PCDHGA6: variants seen among roughly 807,000 people sequenced by gnomAD.
PCDHGA6 encodes protocadherin gamma-A6.
PCDHGA6 carries 41 observed loss-of-function variants against 60.6 expected under a neutral mutation model. That is an observed-to-expected ratio of 0.68 (90% CI 0.53 to 0.88). PCDHGA6 has a LOEUF of 0.88. PCDHGA6 is among the 40% of genes least tolerant of loss of function. The pLI is 0.00. For synonymous variants in PCDHGA6, 594 were observed against 524.4 expected, an observed-to-expected ratio of 1.13 and a Z score of -1.81; for missense variants, 1,312 against 1,203.0, an observed-to-expected ratio of 1.09 and a Z score of -1.34.
chr5:141,430,577 C>A, intron 1 of PCDHGA6: 1 of 464,652 alleles, frequency 2.2e-6, no homozygotes. Context: ...AAGCGGAGAT[C>A]CTGCTCGCCT....
intron 1 of PCDHGA6, chr5:141,433,239 G>A: frequency 1.3e-6 from 2 of 1,494,126 alleles, no homozygotes; most frequent in Non-Finnish European, 1.8e-6. Context: ...TGTCTCCCAA[G>A]CTGGAATGCA....
chr5:141,437,651 CAT>C (rs1255783396), intron 1 of PCDHGA6, among the ~76,000 whole-genome samples: 2 of 151,990 alleles, frequency 1.3e-5, no homozygotes, highest in Non-Finnish European at 2.9e-5. Context: ...AAAGCAAACA[CAT>C]AGTTTCGAAG....
chr5:141,380,372 C>A (rs73265858), intron 1 of PCDHGA6, among the ~76,000 whole-genome samples: 1 of 151,948 alleles, frequency 6.6e-6, no homozygotes. Context: ...AAAAAAAAGT[C>A]CCAAAAAAGA....
chr5:141,415,007 G>C, intron 1 of PCDHGA6: 1 of 1,613,654 alleles, frequency 6.2e-7, no homozygotes, highest in Non-Finnish European at 8.5e-7. Context: ...CTGTCCTACC[G>C]TCTGCTCAAG....
chr5:141,450,278 G>A (rs977381598), intron 1 of PCDHGA6, among the ~76,000 whole-genome samples: 1 of 152,026 alleles, frequency 6.6e-6, no homozygotes, highest in Non-Finnish European at 1.5e-5. Flanking sequence ...TCAGCTAAGT[G>A]CTGGGATTAC....
chr5:141,510,814 C>CA, intron 3 of PCDHGA6, 133 bp from the exon 4 acceptor site: 1 of 1,544,688 alleles, frequency 6.5e-7, no homozygotes, highest in Admixed American at 1.8e-5. Flanking sequence ...TTGGTGACCC[C>CA]TATATTCCCA....
At chr5:141,430,252 A>C (rs1292590200) in intron 1 of PCDHGA6, among the ~76,000 whole-genome samples, 1 of 102,244 alleles carries the variant, frequency 9.8e-6, no homozygotes, top group Admixed American at 1.0e-4. Context: ...CTAGGGAGAC[A>C]TCTCCATAAT....
At chr5:141,418,901 A>G in intron 1 of PCDHGA6, 1 of 1,614,016 alleles carries the variant, frequency 6.2e-7, no homozygotes, top group East Asian at 2.2e-5. Context: ...CCCAGAAATA[A>G]TCATCACGTC....
chr5:141,419,869 G>A, intron 1 of PCDHGA6: 3 of 1,614,072 alleles, frequency 1.9e-6, no homozygotes, highest in South Asian at 1.1e-5. Flanking sequence ...GCTTGCAAGA[G>A]GTACTGCCGG....
At chr5:141,418,803 A>G (rs1358411126) in intron 1 of PCDHGA6, 1 of 1,613,894 alleles carries the variant, frequency 6.2e-7, no homozygotes, top group Non-Finnish European at 8.5e-7. Context: ...GTAGAAAGAT[A>G]TACGATAAAC....
chr5:141,387,301 AT>A (rs888289074), intron 1 of PCDHGA6, among the ~76,000 whole-genome samples: 1 of 152,242 alleles, frequency 6.6e-6, no homozygotes, highest in African/African-American at 2.4e-5. Flanking sequence ...TGTATCCAGT[AT>A]ATTTCTAATG....
Position 141,487,421 on chromosome 5 carries a change from C to T in PCDHGA6, c.2425-7386C>T. ...GGGGCTTCCCCCTTCCAATGGGATC[C>T]TCCGAATCCAGCTAGGGTCAGATGA... On this transcript the variant is annotated intron_variant, in intron 1 of 3. Coordinates refer to ENST00000517434, the MANE Select transcript of PCDHGA6 (RefSeq NM_018919.3). This position sits in a 1 kb window ranked among gnomAD's most constrained non-coding sequence, Gnocchi z 5.0. The T allele has an allele frequency of 6.2e-7, 1 of 1,614,144 alleles. No homozygotes were observed. The highest frequency in any genetic ancestry group is 1.1e-5 in the South Asian group (1 of 91,082).
At chr5:141,446,624 G>C (rs1433894248) in intron 1 of PCDHGA6, among the ~76,000 whole-genome samples, 1 of 151,930 alleles carries the variant, frequency 6.6e-6, no homozygotes, top group African/African-American at 2.4e-5. Flanking sequence ...CTACAGGCGT[G>C]CACCACCACG....
Position 141,511,995 on chromosome 5 carries a change from A to G in PCDHGA6, c.*822A>G, listed in dbSNP as rs1049905198. The G allele has an allele frequency of 1.3e-5, 2 of 153,074 alleles. No homozygotes were observed. The highest frequency in any genetic ancestry group is 4.8e-5 in the African/African-American group (2 of 41,464). The allele number at this position is 153,074 out of a possible 1,614,324, so 9.5% of individuals were successfully genotyped here. On this transcript the variant is annotated 3_prime_UTR_variant, in exon 4 of 4. Transcript: ENST00000517434. The stretch of plus-strand genomic sequence containing the variant: ...GGATGTGGATGGTGGGGGCATGGAC[A>G]AAGCTTGACACATCAAGTTATCAAG...
intron 2 of PCDHGA6, 107 bp from the exon 3 acceptor site, chr5:141,505,286 A>T: frequency 3.2e-6 from 5 of 1,551,278 alleles, no homozygotes; most frequent in Non-Finnish European, 4.4e-6. Flanking sequence ...GGTCTTGGGC[A>T]TGGGGTAGGG....
At chr5:141,466,146 T>C (rs977109086) in intron 1 of PCDHGA6, among the ~76,000 whole-genome samples, 5 of 151,880 alleles carry the variant, frequency 3.3e-5, no homozygotes, top group Non-Finnish European at 7.4e-5. Context: ...GTGAAAACTC[T>C]GGTCTTAAAC....
At chr5:141,430,638 G>A in intron 1 of PCDHGA6, 1 of 898,338 alleles carries the variant, frequency 1.1e-6, no homozygotes, top group Non-Finnish European at 1.6e-6. Flanking sequence ...CCATCCCTGG[G>A]AGTATGTGGA....
chr5:141,480,712 A>G (rs559266864), intron 1 of PCDHGA6, among the ~76,000 whole-genome samples: 13 of 152,306 alleles, frequency 8.5e-5, no homozygotes, highest in African/African-American at 2.9e-4. Context: ...CCGACAAATG[A>G]AAGCACAGTC....
chr5:141,492,042 A>T, intron 1 of PCDHGA6: 1 of 519,520 alleles, frequency 1.9e-6, no homozygotes, highest in Non-Finnish European at 3.4e-6. Context: ...GCAGTCACAG[A>T]TCCACCCCTG....
Sources: gnomAD v4.1 joint callset for allele counts (sites outside exome capture counted in the v4.1 genomes callset) on GRCh38, gnomAD v4.1.1 for gene constraint, Gnocchi (gnomAD v3.1) non-coding constraint, MANE v1.5 for transcripts, NCBI Gene and HGNC (gene_info 2026-07-23, HGNC 2026-07-21) for gene names.